The following CHL1 variants were observed in gnomAD, a reference collection of about 807,000 sequenced individuals.
The protein encoded by CHL1 is neural cell adhesion molecule L1-like protein.
Under a neutral mutation model 141.9 loss-of-function variants are expected in CHL1, and 96 were observed. The observed-to-expected ratio is 0.68, with a 90% CI of 0.57 to 0.80. The LOEUF is 0.80. CHL1 is among the 30% of genes least tolerant of loss of function. The pLI, the probability that CHL1 is intolerant of heterozygous loss-of-function variation, is 0.00. For missense variants in CHL1, 1,820 were observed against 1,457.2 expected (o/e 1.25, Z -4.05); for synonymous variants, 613 against 502.2 (o/e 1.22, Z -2.95).
rs1053365964 is a variant in CHL1, at chr3:325,163, C to CA, written c.92-785dup. The stretch of plus-strand genomic sequence containing the variant: ...AGCCCATGAAAGAACATTTATTACC[C>CA]AAAAAAAAAAAGAAAATTAAAATAA... On this transcript the variant is annotated intron_variant, in intron 3 of 27. Coordinates refer to ENST00000256509, the MANE Select transcript of CHL1 (RefSeq NM_006614.4). Among the ~76,000 whole-genome samples, 181 of 131,274 alleles carry CA rather than the reference C, an allele frequency of 1.4e-3. 2 individuals carry two copies. The highest frequency in any genetic ancestry group is 4.1e-3 in the Middle Eastern group (1 of 246). The allele number at this position is 131,274 out of a possible 152,430, so 86.1% of individuals were successfully genotyped here.
At chr3:296,594 A>G (rs87018) in intron 2 of CHL1, among the ~76,000 whole-genome samples, 88,830 of 152,028 alleles carry the variant, frequency 0.58, 28,855 homozygotes, top group African/African-American at 0.88. Flanking sequence ...CACTGTGACT[A>G]TCCACACTTG....
intron 3 of CHL1, among the ~76,000 whole-genome samples, chr3:325,432 T>C (rs1700928342): frequency 6.7e-6 from 1 of 149,378 alleles, no homozygotes; most frequent in Non-Finnish European, 1.5e-5. Context: ...TCAAAATTCC[T>C]ATTGAAATAG....
intron 2 of CHL1, among the ~76,000 whole-genome samples, chr3:279,525 T>C (rs1696448596): frequency 6.6e-6 from 1 of 151,652 alleles, no homozygotes; most frequent in Non-Finnish European, 1.5e-5. Context: ...GTGCTGTTCT[T>C]CCACAATCTG....
chr3:249,047 A>G (rs1182999301), intron 2 of CHL1, among the ~76,000 whole-genome samples: 15 of 152,228 alleles, frequency 9.9e-5, no homozygotes, highest in Admixed American at 9.8e-4. Context: ...GGAGAAAAAT[A>G]CCATGTAAAA....
At chr3:402,550 G>A (rs1290014131) in intron 27 of CHL1, among the ~76,000 whole-genome samples, 1 of 152,146 alleles carries the variant, frequency 6.6e-6, no homozygotes, top group Admixed American at 6.5e-5. Context: ...TTTAGCACAT[G>A]GGAAACCAGA....
At chr3:284,665 T>C (rs1240254135) in intron 2 of CHL1, among the ~76,000 whole-genome samples, 1 of 152,216 alleles carries the variant, frequency 6.6e-6, no homozygotes, top group Non-Finnish European at 1.5e-5. Flanking sequence ...TCTATCTTCA[T>C]GACATTATAT....
At chr3:197,665 GGGGAATCCA>G (rs1698467865) in intron 1 of CHL1, 2 of 325,478 alleles carry the variant, frequency 6.1e-6, no homozygotes, top group African/African-American at 7.6e-5. Flanking sequence ...AGCCTGGAGC[GGGGAATCCA>G]TGGACCGTGG....
At chr3:251,755 G>A (rs75092432) in intron 2 of CHL1, among the ~76,000 whole-genome samples, 11,435 of 152,074 alleles carry the variant, frequency 0.075, 509 homozygotes, top group Middle Eastern at 0.12. Context: ...ACCCGTTAGC[G>A]ATTTTACTTA....
intron 2 of CHL1, among the ~76,000 whole-genome samples, chr3:311,428 A>C (rs1699742406): frequency 6.7e-6 from 1 of 149,000 alleles, no homozygotes; most frequent in Admixed American, 6.8e-5. Context: ...GAGGGTTTGC[A>C]CTTTTCAGGT....
chr3:332,574 GAGTA>G (rs1346858806), intron 5 of CHL1, among the ~76,000 whole-genome samples: 1 of 152,034 alleles, frequency 6.6e-6, no homozygotes, highest in Non-Finnish European at 1.5e-5. Flanking sequence ...TTCTTAAAAT[GAGTA>G]AGTGTGAAGC....
At chr3:239,715 T>G (rs147469615) in intron 1 of CHL1, among the ~76,000 whole-genome samples, 1 of 152,012 alleles carries the variant, frequency 6.6e-6, no homozygotes, top group East Asian at 1.9e-4. Flanking sequence ...CCAAGCAGTA[T>G]ACAATGAACC....
intron 1 of CHL1, among the ~76,000 whole-genome samples, chr3:240,294 A>T (rs1692427486): frequency 6.6e-6 from 1 of 152,156 alleles, no homozygotes; most frequent in Non-Finnish European, 1.5e-5. Context: ...CCATTCTTGC[A>T]GGAGTCAGGT....
intron 1 of CHL1, among the ~76,000 whole-genome samples, chr3:211,802 C>G (rs945882330): frequency 2.0e-5 from 3 of 152,110 alleles, no homozygotes; most frequent in African/African-American, 4.8e-5. Flanking sequence ...ATTGGTAATA[C>G]TATAAATTGC....
At chr3:367,345 C>A (rs1285014163) in intron 15 of CHL1, among the ~76,000 whole-genome samples, 6 of 152,200 alleles carry the variant, frequency 3.9e-5, no homozygotes, top group Admixed American at 3.9e-4. Flanking sequence ...GAGACAGCAA[C>A]ACTGCCATGG....
At chr3:360,520 A>T in intron 12 of CHL1, 96 bp downstream of exon 12, 1 of 1,222,258 alleles carries the variant, frequency 8.2e-7, no homozygotes, top group East Asian at 2.4e-5. Context: ...CACATAATAT[A>T]TGGAGGGAAA....
chr3:220,680 A>T (rs540474161), intron 1 of CHL1, among the ~76,000 whole-genome samples: 2 of 152,332 alleles, frequency 1.3e-5, no homozygotes, highest in East Asian at 3.9e-4. Context: ...CAACATAGTG[A>T]GATCCCATCA....
chr3:225,184 G>C, intron 1 of CHL1, among the ~76,000 whole-genome samples: 1 of 152,172 alleles, frequency 6.6e-6, no homozygotes, highest in East Asian at 1.9e-4. Context: ...AGAAGATTAT[G>C]TTAATGAATC....
rs147273834 is a variant in CHL1, at chr3:236,118, T to G, written c.-174-8495T>G. Among the ~76,000 whole-genome samples, 1,043 of 152,304 alleles carry G rather than the reference T, an allele frequency of 6.8e-3. 5 individuals carry two copies. The highest frequency in any genetic ancestry group is 0.011 in the Non-Finnish European group (762 of 68,020). ...GATTTGGACCTTGTGTGGCAGCATT[T>G]GGTCTCAGGCCCTGCTCCGCCTGCT... On this transcript the variant is annotated intron_variant, in intron 1 of 27. Transcript: ENST00000256509.
At chr3:222,080 T>A (rs1700894777) in intron 1 of CHL1, among the ~76,000 whole-genome samples, 1 of 152,198 alleles carries the variant, frequency 6.6e-6, no homozygotes, top group Admixed American at 6.5e-5. Context: ...AAAATGTAAG[T>A]TCTTAACTAC....
Sources: allele counts gnomAD v4.1 joint callset (sites outside exome capture counted in the v4.1 genomes callset), GRCh38; gene constraint gnomAD v4.1.1; transcripts MANE v1.5; gene names NCBI Gene and HGNC (gene_info 2026-07-23, HGNC 2026-07-21).